The following RASGRP3 variants were observed in gnomAD, a reference collection of about 807,000 sequenced individuals.
The protein encoded by RASGRP3 is RAS guanyl releasing protein 3.
RASGRP3 carries 54 observed loss-of-function variants against 82.7 expected under a neutral mutation model. The observed-to-expected ratio is 0.65, with a 90% CI of 0.52 to 0.82. The LOEUF is 0.82. RASGRP3 is among the 40% of genes least tolerant of loss of function. The pLI is 0.00. For missense variants in RASGRP3, 861 were observed against 828.9 expected, an observed-to-expected ratio of 1.04 and a Z score of -0.48; for synonymous variants, 309 against 300.5, an observed-to-expected ratio of 1.03 and a Z score of -0.29.
chr2:33,536,040 C>T (rs143284388), intron 11 of RASGRP3, among the ~76,000 whole-genome samples: 2 of 152,198 alleles, frequency 1.3e-5, no homozygotes, highest in Middle Eastern at 3.4e-3. Flanking sequence ...CAGTGGCTCA[C>T]ACCTGTAATC....
chr2:33,541,166 CTT>C (rs1481190449), intron 12 of RASGRP3, among the ~76,000 whole-genome samples: 2 of 146,898 alleles, frequency 1.4e-5, no homozygotes, highest in African/African-American at 2.4e-5. Flanking sequence ...CAATGGGAAA[CTT>C]TTTTTATTCT....
At chr2:33,516,910 T>C (rs1034239282) in intron 4 of RASGRP3, 2 of 298,528 alleles carry the variant, frequency 6.7e-6, no homozygotes, top group Non-Finnish European at 1.2e-5. Context: ...TGTTTCTAAC[T>C]TGTCTTAAAC....
At chr2:33,497,781 C>A (rs926307518) in intron 1 of RASGRP3, among the ~76,000 whole-genome samples, 12 of 152,116 alleles carry the variant, frequency 7.9e-5, no homozygotes, top group African/African-American at 2.4e-4. Context: ...ATAAAGATAT[C>A]ATTGAATGGT....
intron 1 of RASGRP3, among the ~76,000 whole-genome samples, chr2:33,501,905 G>A (rs1000218057): frequency 2.0e-5 from 3 of 152,276 alleles, no homozygotes; most frequent in South Asian, 2.1e-4. Flanking sequence ...ACTACACTGC[G>A]GCTAAGCCTT....
chr2:33,477,241 T>C (rs1233926238), intron 1 of RASGRP3, among the ~76,000 whole-genome samples: 1 of 152,196 alleles, frequency 6.6e-6, no homozygotes, highest in Non-Finnish European at 1.5e-5. Flanking sequence ...GTCTGCAATA[T>C]AGAAGACTGA....
intron 17 of RASGRP3, 98 bp downstream of exon 17, chr2:33,559,128 T>C: frequency 9.8e-7 from 1 of 1,020,176 alleles, no homozygotes. Flanking sequence ...CTGGTAGTTC[T>C]GAAAGCAGAA....
intron 14 of RASGRP3, among the ~76,000 whole-genome samples, chr2:33,552,071 G>A (rs1445207977): frequency 6.6e-6 from 1 of 152,190 alleles, no homozygotes; most frequent in Non-Finnish European, 1.5e-5. Context: ...TAGTCCTTCT[G>A]TCCTGCCCCT....
chr2:33,453,715 A>C (rs190234780), intron 2 of RASGRP3, among the ~76,000 whole-genome samples: 44 of 152,336 alleles, frequency 2.9e-4, no homozygotes, highest in Non-Finnish European at 4.7e-4. Flanking sequence ...CTACATGAGG[A>C]TATGTAAGGA....
intron 2 of RASGRP3, among the ~76,000 whole-genome samples, chr2:33,470,573 G>A (rs113172723): frequency 0.036 from 5,453 of 151,928 alleles, 334 homozygotes; most frequent in African/African-American, 0.12. Flanking sequence ...TAGAGACAGG[G>A]TTTCACCGTG....
chr2:33,502,542 T>G (rs6737392), intron 1 of RASGRP3, among the ~76,000 whole-genome samples: 57,685 of 146,690 alleles, frequency 0.39, 12,228 homozygotes, highest in African/African-American at 0.56. Context: ...CTGCTGCCCT[T>G]TTGCCTAGGC....
In RASGRP3 at chr2:33,458,356, TG is replaced by T. The variant is rs1666159501; in HGVS notation, c.-261+10414del. ...AATATAATTTATGATTTTTTTTCTG[TG>T]CAGCAGGGAAACTTGTGCTCAGTTG... On this transcript the variant is annotated intron_variant, in intron 2 of 18. Transcript: ENST00000402538. Among the ~76,000 whole-genome samples, 3 of 152,342 alleles carry T rather than the reference TG, an allele frequency of 2.0e-5. No individual in the cohort carries two copies. In the South Asian group the frequency reaches 6.2e-4, roughly 32 times the overall value.
intron 2 of RASGRP3, among the ~76,000 whole-genome samples, chr2:33,512,067 T>C (rs1318909900): frequency 6.6e-6 from 1 of 152,228 alleles, no homozygotes; most frequent in Non-Finnish European, 1.5e-5. Context: ...GACACAATAA[T>C]GTCCACACAT....
chr2:33,525,714 A>C (rs939020532), intron 9 of RASGRP3, among the ~76,000 whole-genome samples: 17 of 149,042 alleles, frequency 1.1e-4, no homozygotes, highest in Admixed American at 6.7e-4. Context: ...AAAAAAAAAA[A>C]AAAAAAAAAA....
At position 33,562,959 on chromosome 2, in the gene RASGRP3, T is replaced by TAAG. The variant is rs1676852012; in HGVS notation, c.*223_*225dup. 1 of 612,546 alleles carries TAAG rather than the reference T, an allele frequency of 1.6e-6. No individual in the cohort carries two copies. The highest frequency in any genetic ancestry group is 1.9e-5 in the African/African-American group (1 of 52,864). The allele number at this position is 612,546 out of a possible 1,614,324, so 37.9% of individuals were successfully genotyped here. A position where few individuals can be genotyped will look rare whatever the true frequency, so the allele number is the denominator to read the frequency against. On this transcript the variant is annotated 3_prime_UTR_variant, in exon 18 of 18. Coordinates refer to ENST00000403687, the MANE Select transcript of RASGRP3 (RefSeq NM_001139488.2). ...TATTTCCTCCTCCCCTACCCCTAGTTAAGTGCCACAAAGACTGTGTTATGT... is the reference window on the plus strand; with the variant it reads ...TATTTCCTCCTCCCCTACCCCTAGTTAAGAAGTGCCACAAAGACTGTGTTATGT...
At chr2:33,554,319 A>C (rs1286669481) in intron 14 of RASGRP3, among the ~76,000 whole-genome samples, 1 of 152,148 alleles carries the variant, frequency 6.6e-6, no homozygotes, top group Non-Finnish European at 1.5e-5. Context: ...TATTTTATTA[A>C]GTAGATAATA....
intron 2 of RASGRP3, among the ~76,000 whole-genome samples, chr2:33,465,315 A>G (rs926457563): frequency 7.4e-4 from 112 of 152,238 alleles, no homozygotes; most frequent in African/African-American, 2.5e-3. Flanking sequence ...CGGAAGGCTG[A>G]GAGAGGGGAG....
At chr2:33,476,958 G>C (rs892098038) in intron 1 of RASGRP3, among the ~76,000 whole-genome samples, 1 of 151,946 alleles carries the variant, frequency 6.6e-6, no homozygotes, top group South Asian at 2.1e-4. Context: ...GGATGAATGG[G>C]GCATATGGCT....
chr2:33,453,198 G>T (rs1205222714), intron 2 of RASGRP3, among the ~76,000 whole-genome samples: 2 of 152,196 alleles, frequency 1.3e-5, no homozygotes, highest in African/African-American at 4.8e-5. Context: ...ATTTTAAAAA[G>T]CAATGAGTGT....
At chr2:33,498,323 A>G (rs1175816257) in intron 1 of RASGRP3, among the ~76,000 whole-genome samples, 4 of 152,222 alleles carry the variant, frequency 2.6e-5, no homozygotes, top group Non-Finnish European at 5.9e-5. Context: ...TAAATTAAAT[A>G]ACTTACCCCC....
Sources: allele counts gnomAD v4.1 joint callset (sites outside exome capture counted in the v4.1 genomes callset), GRCh38; gene constraint gnomAD v4.1.1; transcripts MANE v1.5; gene names NCBI Gene and HGNC (gene_info 2026-07-23, HGNC 2026-07-21).